MARK2: variants seen among roughly 807,000 people sequenced by gnomAD.
MARK2 encodes serine/threonine-protein kinase MARK2.
In MARK2, 16 loss-of-function variants were observed where a neutral mutation model predicts 89.8. The observed-to-expected ratio is 0.18, with a 90% CI of 0.12 to 0.27. The LOEUF (loss-of-function observed/expected upper bound fraction) is 0.27, where lower values mean the gene tolerates loss of function less well. MARK2 is among the 10% of genes least tolerant of loss of function. MARK2 has a pLI of 1.00. For missense variants in MARK2, 621 were observed against 1,049.9 expected (o/e 0.59, Z 5.65); for synonymous variants, 382 against 399.5 (o/e 0.96, Z 0.52).
At chr11:63,849,582 A>G (rs191118195) in intron 1 of MARK2, among the ~76,000 whole-genome samples, 30 of 152,292 alleles carry the variant, frequency 2.0e-4, no homozygotes, top group Non-Finnish European at 3.1e-4. Flanking sequence ...GTAAAACCCT[A>G]TCTCAACTGG....
At chr11:63,896,810 C>T (rs1940442262) in intron 3 of MARK2, among the ~76,000 whole-genome samples, 1 of 152,090 alleles carries the variant, frequency 6.6e-6, no homozygotes, top group South Asian at 2.1e-4. Flanking sequence ...GGCTCCAGCC[C>T]CACAGAAGAA....
intron 2 of MARK2, 82 bp downstream of exon 2, chr11:63,895,420 G>T: frequency 6.7e-7 from 1 of 1,499,422 alleles, no homozygotes; most frequent in South Asian, 1.2e-5. Context: ...TACTACTGCA[G>T]CCAACCTCTT....
At position 63,903,516 on chromosome 11, in the gene MARK2, T is replaced by G. The variant is rs894338796; in HGVS notation, c.1514+358T>G. 2.9e-6 allele frequency: 1 copy of G among 350,364 alleles called. No homozygotes were observed. Among genetic ancestry groups the G allele is most frequent in the African/African-American group, 2.1e-5 (1 of 47,740 alleles). The allele number at this position is 350,364 out of a possible 1,614,324, so 21.7% of individuals were successfully genotyped here. A position where few individuals can be genotyped will look rare whatever the true frequency, so the allele number is the denominator to read the frequency against. ...AGGGCAGAACCAAGAGATGCCCACCTTGAGGGGTGTACACATAGAGGGCGA... is the reference window on the plus strand; with the variant it reads ...AGGGCAGAACCAAGAGATGCCCACCGTGAGGGGTGTACACATAGAGGGCGA... On this transcript the variant is annotated intron_variant, in intron 14 of 18. Coordinates refer to ENST00000402010, the MANE Select transcript of MARK2 (RefSeq NM_001039469.3). The surrounding 1 kb of genome is among the most constrained non-coding windows in gnomAD (Gnocchi z 5.1).
At chr11:63,856,053 G>A (rs1398134934) in intron 1 of MARK2, among the ~76,000 whole-genome samples, 1 of 152,188 alleles carries the variant, frequency 6.6e-6, no homozygotes, top group Non-Finnish European at 1.5e-5. Flanking sequence ...CCAAAGGTGA[G>A]AAAACCACGG....
At chr11:63,882,035 C>A (rs527869661) in intron 1 of MARK2, among the ~76,000 whole-genome samples, 1 of 152,230 alleles carries the variant, frequency 6.6e-6, no homozygotes, top group African/African-American at 2.4e-5. Flanking sequence ...AGTGACCACT[C>A]CCCGCTAAGA....
At chr11:63,887,819 G>A (rs2135305397) in intron 1 of MARK2, among the ~76,000 whole-genome samples, 1 of 152,280 alleles carries the variant, frequency 6.6e-6, no homozygotes, top group South Asian at 2.1e-4. Flanking sequence ...GAAGGTGTGA[G>A]GAATCCCAGG....
intron 1 of MARK2, among the ~76,000 whole-genome samples, chr11:63,840,098 C>G (rs1013521326): frequency 1.3e-5 from 2 of 152,184 alleles, no homozygotes; most frequent in Admixed American, 1.3e-4. Flanking sequence ...TTTTTCTACC[C>G]TGCTTCTTCG....
Position 63,899,091 on chromosome 11 carries a change from G to A in MARK2, c.514G>A (p.Val172Ile). 1 of 1,611,504 alleles carries A rather than the reference G, an allele frequency of 6.2e-7. No homozygotes were observed. ...AVQYCHQKFIVHRDLKAENLL... is the reference protein window; with the variant it reads ...AVQYCHQKFIIHRDLKAENLL... ...GCAGTACTGTCACCAGAAGTTTATT[G>A]TCCATAGAGACTTAAAGGTAAGGCA... Residue 172 changes from valine to isoleucine, a missense_variant, in exon 7 of 19, where the codon GTC (valine) becomes ATC (isoleucine). Physicochemically the swap from Val to Ile is conservative, Grantham distance 29. This residue lies in a region of MARK2 where 82 missense variants were observed against 287.7 expected (regional missense o/e 0.29). Transcript: ENST00000402010.
intron 1 of MARK2, among the ~76,000 whole-genome samples, chr11:63,844,076 G>A (rs1162035933): frequency 1.3e-5 from 2 of 152,116 alleles, no homozygotes; most frequent in African/African-American, 2.4e-5. Context: ...TGTCACTTTC[G>A]GCTTGGCCCT....
intron 1 of MARK2, chr11:63,888,668 C>T (rs1441206450): frequency 8.5e-7 from 1 of 1,177,936 alleles, no homozygotes; most frequent in Non-Finnish European, 1.1e-6. Context: ...GGGGCTTTGT[C>T]CCTGTTGCTC....
chr11:63,908,848 C>T (rs771774626), intron 18 of MARK2, 29 bp from the exon 19 acceptor site: 5 of 1,435,170 alleles, frequency 3.5e-6, no homozygotes, highest in Non-Finnish European at 3.7e-6. Context: ...TCAGCCCCCC[C>T]GTGACGCCCG....
intron 1 of MARK2, among the ~76,000 whole-genome samples, chr11:63,893,999 A>G (rs533855268): frequency 7.9e-5 from 12 of 152,360 alleles, no homozygotes; most frequent in Admixed American, 7.2e-4. Flanking sequence ...GATAAAGGAT[A>G]TTCAACCCGT....
At chr11:63,905,150 A>T in intron 16 of MARK2, 107 bp downstream of exon 16, 2 of 1,299,978 alleles carry the variant, frequency 1.5e-6, no homozygotes, top group Admixed American at 4.0e-5. Flanking sequence ...CTGTACCGGT[A>T]TTGGGTCCTG....
At position 63,862,937 on chromosome 11, in the gene MARK2, A is replaced by T. The variant is rs570190106; in HGVS notation, c.54+23377A>T. Among the ~76,000 whole-genome samples the T allele has an allele frequency of 5.9e-5, 9 of 152,212 alleles. No individual in the cohort carries two copies. In the East Asian group the frequency reaches 1.7e-3, roughly 29 times the overall value. On this transcript the variant is annotated intron_variant, in intron 1 of 18. Coordinates refer to ENST00000402010, the MANE Select transcript of MARK2 (RefSeq NM_001039469.3). ...TAACTGTGTATATTTTGTCTCTAGG[A>T]AGCAAACTCAGATTCTCTCTTACAA...
At chr11:63,861,065 C>T (rs1937741207) in intron 1 of MARK2, among the ~76,000 whole-genome samples, 1 of 152,186 alleles carries the variant, frequency 6.6e-6, no homozygotes, top group Admixed American at 6.5e-5. Context: ...TTACATGTGG[C>T]ATGCATTTCA....
intron 1 of MARK2, among the ~76,000 whole-genome samples, chr11:63,875,452 A>G (rs1303729523): frequency 5.3e-5 from 8 of 151,886 alleles, no homozygotes; most frequent in Non-Finnish European, 7.4e-5. Context: ...GAATCTCATT[A>G]TGTGGCCTAG....
Position 63,904,180 on chromosome 11 carries a change from GC to G in MARK2, c.1676+36del. Reference sequence around the variant, plus strand: ...TGCTGGGGCAGCTGGTGCACCTGCTGCCCTCAGCCCACCCTACCCCCTTGCC... The same window carrying G: ...TGCTGGGGCAGCTGGTGCACCTGCTGCCTCAGCCCACCCTACCCCCTTGCC... On this transcript the variant is annotated intron_variant, in intron 15 of 18. Coordinates refer to ENST00000402010, the MANE Select transcript of MARK2 (RefSeq NM_001039469.3). This position sits in a 1 kb window ranked among gnomAD's most constrained non-coding sequence, Gnocchi z 6.3. 6.6e-7 allele frequency: 1 copy of G among 1,518,152 alleles called. No individual in the cohort carries two copies. 94.0% of individuals were successfully genotyped at this position (1,518,152 alleles called of 1,614,324 possible). A position where few individuals can be genotyped will look rare whatever the true frequency, so the allele number is the denominator to read the frequency against.
chr11:63,903,939 CCTCA>C lies in MARK2; in HGVS notation c.1515-41_1515-38del, dbSNP rs778001831. The C allele has an allele frequency of 3.3e-6, 5 of 1,522,886 alleles. No homozygotes were observed. The South Asian group carries it at 4.9e-5, about 15-fold the overall frequency. 94.3% of individuals were successfully genotyped at this position (1,522,886 alleles called of 1,614,324 possible). ...TTGCTTCCTAATCCAGGCCTCCCGC[CCTCA>C]CTCACCCCTAACACGGGCCTCTCCG... On this transcript the variant is annotated intron_variant, in intron 14 of 18. Coordinates refer to ENST00000402010, the MANE Select transcript of MARK2 (RefSeq NM_001039469.3). This position sits in a 1 kb window ranked among gnomAD's most constrained non-coding sequence, Gnocchi z 5.1.
At chr11:63,845,171 G>A (rs1197890859) in intron 1 of MARK2, among the ~76,000 whole-genome samples, 1 of 152,164 alleles carries the variant, frequency 6.6e-6, no homozygotes, top group Non-Finnish European at 1.5e-5. Context: ...CTTTCCTACA[G>A]TAACCAGGAC....
Sources: gnomAD v4.1 joint callset for allele counts (sites outside exome capture counted in the v4.1 genomes callset) on GRCh38, gnomAD v4.1.1 for gene constraint, gnomAD v4.1.1 regional missense constraint, Gnocchi (gnomAD v3.1) non-coding constraint, MANE v1.5 for transcripts, NCBI Gene and HGNC (gene_info 2026-07-23, HGNC 2026-07-21) for gene names.